OXR1: variants seen among roughly 807,000 people sequenced by gnomAD.
The protein encoded by OXR1 is oxidation resistance 1, also known as oxidation resistance protein 1.
OXR1 carries 41 observed loss-of-function variants against 104.6 expected under a neutral mutation model. The observed-to-expected ratio is 0.39, with a 90% CI of 0.31 to 0.51. The LOEUF (loss-of-function observed/expected upper bound fraction) is 0.51, where lower values mean the gene tolerates loss of function less well. Ranked by LOEUF, OXR1 falls within the 20% of genes least tolerant of loss-of-function variation. The probability of loss-of-function intolerance (pLI) is 0.77; values close to 1 mark genes in which losing one functional copy is unlikely to be tolerated. For synonymous variants in OXR1, 348 were observed against 348.4 expected (o/e 1.00, Z 0.01); for missense variants, 955 against 1,031.9 (o/e 0.93, Z 1.02).
intron 2 of OXR1, among the ~76,000 whole-genome samples, chr8:106,493,167 T>C (rs1811207227): frequency 6.6e-6 from 1 of 152,194 alleles, no homozygotes; most frequent in Non-Finnish European, 1.5e-5. Flanking sequence ...GGGGACCTTT[T>C]GGGTTAAGCA....
chr8:106,627,248 T>C (rs954689325), intron 3 of OXR1, among the ~76,000 whole-genome samples: 1 of 152,108 alleles, frequency 6.6e-6, no homozygotes, highest in African/African-American at 2.4e-5. Context: ...ATTATTTAGT[T>C]TCTGGTGTTT....
At chr8:106,731,096 A>T (rs944274173) in intron 11 of OXR1, among the ~76,000 whole-genome samples, 1 of 152,118 alleles carries the variant, frequency 6.6e-6, no homozygotes, top group Admixed American at 6.6e-5. Flanking sequence ...CAATCATTTT[A>T]ATTTGCATTT....
intron 2 of OXR1, among the ~76,000 whole-genome samples, chr8:106,378,431 C>T: frequency 6.6e-6 from 1 of 152,214 alleles, no homozygotes; most frequent in East Asian, 1.9e-4. Flanking sequence ...CCACTCTCTT[C>T]AAGGAGCAGG....
At chr8:106,650,581 G>T (rs1349739239) in intron 3 of OXR1, among the ~76,000 whole-genome samples, 1 of 152,112 alleles carries the variant, frequency 6.6e-6, no homozygotes. Flanking sequence ...ATGGGAAACA[G>T]GTCCTTTTTA....
chr8:106,660,630 CA>C (rs1268317271), intron 3 of OXR1, among the ~76,000 whole-genome samples: 1 of 152,146 alleles, frequency 6.6e-6, no homozygotes, highest in African/African-American at 2.4e-5. Context: ...AGTTACGCAT[CA>C]AGAAGGGGTG....
At chr8:106,316,740 CT>C (rs1384571386) in intron 1 of OXR1, among the ~76,000 whole-genome samples, 4 of 149,590 alleles carry the variant, frequency 2.7e-5, no homozygotes, top group African/African-American at 7.4e-5. Context: ...ATCTATCTAT[CT>C]ATCTATCTAT....
chr8:106,679,290 A>C lies in OXR1; in HGVS notation c.301A>C (p.Thr101Pro). Reference protein sequence around the residue: ...FQKPKGTIEYTVESRDSLNSI... With the variant: ...FQKPKGTIEYPVESRDSLNSI... Reference sequence around the variant, plus strand: ...GAAACCTAAAGGGACTATTGAGTATACTGTAAGTTATTTGCTTTCGAAAAA... The same window carrying C: ...GAAACCTAAAGGGACTATTGAGTATCCTGTAAGTTATTTGCTTTCGAAAAA... The change falls in exon 4 of 17, where the codon ACT becomes CCT. Residue 101 changes from threonine (T) to proline (P), a missense_variant and splice_region_variant. Around this residue, in one of 2 missense-constraint regions of OXR1, gnomAD observed 849 missense variants for 852.9 expected, o/e 1.00. Coordinates refer to ENST00000517566, the MANE Select transcript of OXR1 (RefSeq NM_001198533.2). 6.5e-7 allele frequency: 1 copy of C among 1,532,778 alleles called. No individual in the cohort carries two copies. The highest frequency in any genetic ancestry group is 8.9e-7 in the Non-Finnish European group (1 of 1,118,072). 94.9% of individuals were successfully genotyped at this position (1,532,778 alleles called of 1,614,324 possible). A position where few individuals can be genotyped will look rare whatever the true frequency, so the allele number is the denominator to read the frequency against.
chr8:106,740,014 T>C (rs1834782963), intron 13 of OXR1, among the ~76,000 whole-genome samples: 2 of 152,140 alleles, frequency 1.3e-5, no homozygotes, highest in Admixed American at 6.6e-5. Flanking sequence ...AAGAGATATT[T>C]TAATAATCAA....
chr8:106,412,594 AG>A (rs1818501224), intron 2 of OXR1, among the ~76,000 whole-genome samples: 1 of 125,198 alleles, frequency 8.0e-6, no homozygotes, highest in South Asian at 2.9e-4. Context: ...TCATTTTTCA[AG>A]GTGGAGTGAG....
intron 11 of OXR1, among the ~76,000 whole-genome samples, chr8:106,727,415 CTTTATT>C (rs1392109092): frequency 1.3e-5 from 2 of 152,094 alleles, no homozygotes; most frequent in South Asian, 2.1e-4. Context: ...CCTGTTCATT[CTTTATT>C]TTTATTTTTA....
intron 3 of OXR1, among the ~76,000 whole-genome samples, chr8:106,584,582 T>C (rs1008719115): frequency 3.9e-5 from 6 of 152,040 alleles, no homozygotes; most frequent in Non-Finnish European, 8.8e-5. Context: ...AGCTACGAAG[T>C]AAGAGTATGC....
intron 3 of OXR1, among the ~76,000 whole-genome samples, chr8:106,571,843 A>T (rs1420552082): frequency 6.6e-6 from 1 of 152,206 alleles, no homozygotes; most frequent in Non-Finnish European, 1.5e-5. Context: ...AGGAAAAAAA[A>T]CAGGAAAGAA....
chr8:106,508,539 C>A (rs1467689093), intron 2 of OXR1, among the ~76,000 whole-genome samples: 1 of 152,152 alleles, frequency 6.6e-6, no homozygotes, highest in Non-Finnish European at 1.5e-5. Context: ...TTCGATAGGG[C>A]AGCTTTCAAA....
rs770741232 is a variant in OXR1 at position 106,594,174 on chromosome 8, A to G, written c.220+75035A>G. On this transcript the variant is annotated intron_variant, in intron 3 of 16. Coordinates refer to ENST00000517566, the MANE Select transcript of OXR1 (RefSeq NM_001198533.2). ...GAAGTAAAATATAAGGGTGTATTCA[A>G]TTGCTGAGGCTTTATTTTTTTTTTC... Among the ~76,000 whole-genome samples, 16 of 152,284 alleles carry G rather than the reference A, an allele frequency of 1.1e-4. No individual in the cohort carries two copies. The East Asian group carries it at 2.5e-3, about 24-fold the overall frequency.
At position 106,316,736 on chromosome 8, in the gene OXR1, CT is replaced by C. The variant is rs11298467; in HGVS notation, c.-138-42739del. ...ATCTATCATCTATCTATCTATCTAT[CT>C]ATCTATCTATCTATCTATCTATCTA... On this transcript the variant is annotated intron_variant, in intron 1 of 16. Transcript: ENST00000517566. 8.0e-3 allele frequency among the ~76,000 whole-genome samples: 1,055 copies of C among 132,404 alleles called. 12 individuals are homozygous for C. The highest frequency in any genetic ancestry group is 0.026 in the African/African-American group (946 of 36,872). The allele number at this position is 132,404 out of a possible 152,430, so 86.9% of individuals were successfully genotyped here.
chr8:106,281,519 T>C (rs950399380), intron 1 of OXR1, among the ~76,000 whole-genome samples: 2 of 152,150 alleles, frequency 1.3e-5, no homozygotes, highest in African/African-American at 4.8e-5. Flanking sequence ...AAGACAGTTA[T>C]ATGCCAGGTG....
chr8:106,701,932 G>A, intron 7 of OXR1, among the ~76,000 whole-genome samples: 1 of 152,072 alleles, frequency 6.6e-6, no homozygotes, highest in Non-Finnish European at 1.5e-5. Flanking sequence ...AAAGTAAGAA[G>A]GTTAAACTTT....
chr8:106,659,621 G>A (rs1334204982), intron 3 of OXR1, among the ~76,000 whole-genome samples: 1 of 152,190 alleles, frequency 6.6e-6, no homozygotes, highest in Non-Finnish European at 1.5e-5. Flanking sequence ...GCCTTGAAAT[G>A]GGTGGAGAAT....
chr8:106,270,523 C>T (rs1433921415), intron 1 of OXR1, among the ~76,000 whole-genome samples, 156 bp downstream of exon 1: 1 of 152,146 alleles, frequency 6.6e-6, no homozygotes, highest in Non-Finnish European at 1.5e-5. Flanking sequence ...AATTTGAAAG[C>T]GGGTGGCCAT....
Sources: allele counts gnomAD v4.1 joint callset (sites outside exome capture counted in the v4.1 genomes callset), GRCh38; gene constraint gnomAD v4.1.1; regional missense constraint gnomAD v4.1.1; transcripts MANE v1.5; gene names NCBI Gene and HGNC (gene_info 2026-07-23, HGNC 2026-07-21).